The following CFAP70 variants were observed in gnomAD, a reference collection of about 807,000 sequenced individuals.
CFAP70 encodes cilia- and flagella-associated protein 70.
A neutral mutation model predicts 137.6 loss-of-function variants in CFAP70; 81 were observed. The observed-to-expected ratio is 0.59, with a 90% CI of 0.49 to 0.71. CFAP70 has a LOEUF of 0.71. CFAP70 is among the 30% of genes least tolerant of loss of function. CFAP70 has a pLI of 0.00. For synonymous variants in CFAP70, 382 were observed against 423.6 expected (o/e 0.90, Z 1.20); for missense variants, 976 against 1,226.7 (o/e 0.80, Z 3.05).
intron 12 of CFAP70, among the ~76,000 whole-genome samples, chr10:73,300,375 T>C (rs2048858449): frequency 6.6e-6 from 1 of 152,204 alleles, no homozygotes; most frequent in Non-Finnish European, 1.5e-5. Context: ...TCTATTTTTC[T>C]TACTAGATCC....
intron 13 of CFAP70, among the ~76,000 whole-genome samples, chr10:73,299,320 G>C (rs564527318): frequency 6.6e-6 from 1 of 152,174 alleles, no homozygotes; most frequent in East Asian, 1.9e-4. Flanking sequence ...CAACCCTCCT[G>C]CCTCAGCCTC....
At chr10:73,289,060 C>A (rs2047959448) in intron 19 of CFAP70, among the ~76,000 whole-genome samples, 1 of 152,114 alleles carries the variant, frequency 6.6e-6, no homozygotes, top group African/African-American at 2.4e-5. Flanking sequence ...CCTCACTCTG[C>A]CTGTTCTGAA....
chr10:73,299,707 T>G (rs923752360), intron 12 of CFAP70, 42 bp from the exon 14 acceptor site: 3 of 1,482,664 alleles, frequency 2.0e-6, no homozygotes, highest in Non-Finnish European at 2.8e-6. Flanking sequence ...AAAAAAAAAT[T>G]TATTATCTAC....
chr10:73,272,945 C>T, exon 24 of CFAP70: 2 of 1,552,528 alleles, frequency 1.3e-6, no homozygotes, highest in Non-Finnish European at 1.7e-6. Flanking sequence ...CAGGCGATTC[C>T]CAGTCCTAGC....
At chr10:73,362,045 A>G (rs2055029658), upstream of CFAP70, among the ~76,000 whole-genome samples, 1 of 152,220 alleles carries the variant, frequency 6.6e-6, no homozygotes, top group South Asian at 2.1e-4. Context: ...AGATAGCCAT[A>G]TAGATCAAAA....
At chr10:73,361,646 A>G (rs1354608557), upstream of CFAP70, among the ~76,000 whole-genome samples, 2 of 152,188 alleles carry the variant, frequency 1.3e-5, no homozygotes, top group Non-Finnish European at 2.9e-5. Flanking sequence ...ATAAAATTTG[A>G]ATGCCTTAGT....
Position 73,277,211 on chromosome 10 carries a change from T to C in CFAP70, c.2520+29A>G, listed in dbSNP as rs373372007. On this transcript the variant is annotated intron_variant, in intron 21 of 26. Transcript: ENST00000310715. ...TAAAGAGTTTGCTAAAATCTTTCCATCTACTTGCCCTTTTCCAAATACTCT... is the reference window on the plus strand; with the variant it reads ...TAAAGAGTTTGCTAAAATCTTTCCACCTACTTGCCCTTTTCCAAATACTCT... The C allele has an allele frequency of 1.0e-5, 16 of 1,590,906 alleles. No homozygotes were observed. In the African/African-American group the frequency reaches 1.5e-4, roughly 15 times the overall value.
Sources: allele counts gnomAD v4.1 joint callset (sites outside exome capture counted in the v4.1 genomes callset), GRCh38; gene constraint gnomAD v4.1.1; transcripts MANE v1.5; gene names NCBI Gene and HGNC (gene_info 2026-07-23, HGNC 2026-07-21).